Variants in CNST observed in about 807,000 individuals in gnomAD.
CNST encodes consortin.
A neutral mutation model predicts 72.4 loss-of-function variants in CNST; 39 were observed. The observed-to-expected ratio is 0.54, with a 90% CI of 0.42 to 0.70. The LOEUF (loss-of-function observed/expected upper bound fraction) is 0.70, where lower values mean the gene tolerates loss of function less well. CNST is among the 30% of genes least tolerant of loss of function. The probability of loss-of-function intolerance (pLI) is 0.00; values close to 1 mark genes in which losing one functional copy is unlikely to be tolerated. For missense variants in CNST, 871 were observed against 868.5 expected (o/e 1.00, Z -0.04); for synonymous variants, 332 against 320.1 (o/e 1.04, Z -0.40).
At chr1:246,656,760 T>C (rs982803650) in intron 9 of CNST, among the ~76,000 whole-genome samples, 1 of 152,058 alleles carries the variant, frequency 6.6e-6, no homozygotes, top group African/African-American at 2.4e-5. Flanking sequence ...AAACCCTGTC[T>C]CCACAAAAGA....
At chr1:246,614,598 A>G (rs1663561540) in intron 2 of CNST, among the ~76,000 whole-genome samples, 1 of 150,702 alleles carries the variant, frequency 6.6e-6, no homozygotes, top group South Asian at 2.1e-4. Flanking sequence ...CAGCCTCCTG[A>G]GTAGCTGGGA....
intron 10 of CNST, 142 bp from the exon 11 acceptor site, chr1:246,665,558 A>C: frequency 4.5e-6 from 3 of 663,552 alleles, no homozygotes; most frequent in Non-Finnish European, 7.9e-6. Context: ...AGTCATTAGC[A>C]GCATGAGTTT....
intron 2 of CNST, among the ~76,000 whole-genome samples, chr1:246,609,433 T>C (rs1040682575): frequency 6.6e-6 from 1 of 152,086 alleles, no homozygotes; most frequent in Admixed American, 6.5e-5. Flanking sequence ...AAAAATTATA[T>C]GGGCATGGTG....
chr1:246,634,463 T>C lies in CNST; in HGVS notation c.704-10T>C. 1 of 1,535,926 alleles carries C rather than the reference T, an allele frequency of 6.5e-7. No individual in the cohort carries two copies. Among genetic ancestry groups the C allele is most frequent in the South Asian group, 1.2e-5 (1 of 82,170 alleles). ...TAAGAGCCAGTGACTAACAAATACT[T>C]TAAATTTAGAAACAAAATGGAAAAC... On this transcript the variant is annotated splice_polypyrimidine_tract_variant and intron_variant, in intron 5 of 10. Transcript: ENST00000366513.
At chr1:246,574,454 G>T (rs1192957642) in intron 1 of CNST, among the ~76,000 whole-genome samples, 1 of 152,134 alleles carries the variant, frequency 6.6e-6, no homozygotes, top group Non-Finnish European at 1.5e-5. Context: ...GAGACAGCTT[G>T]TCGCACTATC....
chr1:246,573,802 G>A (rs756908649), intron 1 of CNST, among the ~76,000 whole-genome samples: 6 of 152,182 alleles, frequency 3.9e-5, no homozygotes, highest in Non-Finnish European at 8.8e-5. Flanking sequence ...GTAAAACCAC[G>A]TACTTTGTAT....
chr1:246,609,351 G>A (rs773673819), intron 2 of CNST, among the ~76,000 whole-genome samples: 1 of 152,164 alleles, frequency 6.6e-6, no homozygotes, highest in African/African-American at 2.4e-5. Flanking sequence ...TGAGGCAGGC[G>A]GATCACCTGA....
intron 8 of CNST, 77 bp from the exon 9 acceptor site, chr1:246,647,062 T>C (rs1666127084): frequency 7.8e-6 from 10 of 1,284,392 alleles, no homozygotes; most frequent in Non-Finnish European, 1.1e-5. Context: ...ATTACACATA[T>C]TCATATGTCC....
intron 3 of CNST, among the ~76,000 whole-genome samples, chr1:246,627,981 G>T (rs182433122): frequency 1.3e-4 from 20 of 150,012 alleles, no homozygotes; most frequent in African/African-American, 4.9e-4. Context: ...TCCCACAATA[G>T]GCTGTCTGCA....
intron 1 of CNST, among the ~76,000 whole-genome samples, chr1:246,572,908 AT>A (rs200079803): frequency 4.0e-5 from 6 of 151,398 alleles, no homozygotes; most frequent in African/African-American, 7.3e-5. Flanking sequence ...AACATTTTAG[AT>A]TTTTTTTTCC....
At chr1:246,567,323 A>T (rs1659771983) in intron 1 of CNST, among the ~76,000 whole-genome samples, 1 of 151,600 alleles carries the variant, frequency 6.6e-6, no homozygotes, top group Non-Finnish European at 1.5e-5. Flanking sequence ...AAGACTAAAA[A>T]TAGGATGCTG....
chr1:246,566,962 T>C (rs946729974), intron 1 of CNST, among the ~76,000 whole-genome samples: 7 of 152,176 alleles, frequency 4.6e-5, no homozygotes, highest in Non-Finnish European at 8.8e-5. Context: ...GCCTGCGGCT[T>C]CCACGGTCTC....
chr1:246,568,133 TAA>T (rs990039934), intron 1 of CNST, among the ~76,000 whole-genome samples: 1 of 150,004 alleles, frequency 6.7e-6, no homozygotes, highest in East Asian at 1.9e-4. Flanking sequence ...TCTGTCTCCT[TAA>T]AAAAAAAGAA....
At chr1:246,661,501 AT>A (rs1476231941) in intron 10 of CNST, among the ~76,000 whole-genome samples, 6 of 152,146 alleles carry the variant, frequency 3.9e-5, no homozygotes, top group Non-Finnish European at 5.9e-5. Context: ...TTTCCTCTTC[AT>A]TGATAGAAAA....
intron 2 of CNST, among the ~76,000 whole-genome samples, chr1:246,601,271 C>T (rs1039901462): frequency 2.6e-5 from 4 of 152,024 alleles, no homozygotes; most frequent in African/African-American, 9.7e-5. Flanking sequence ...CGCCACTGCA[C>T]TCCATCCTGT....
At chr1:246,585,708 C>CT (rs1558533795) in intron 1 of CNST, among the ~76,000 whole-genome samples, 1 of 100,848 alleles carries the variant, frequency 9.9e-6, no homozygotes, top group Non-Finnish European at 2.1e-5. Context: ...CACACACACA[C>CT]ACACTATATA....
intron 1 of CNST, among the ~76,000 whole-genome samples, chr1:246,589,073 G>A (rs1219497631): frequency 6.6e-6 from 1 of 152,088 alleles, no homozygotes; most frequent in African/African-American, 2.4e-5. Flanking sequence ...AGTTGAAGAT[G>A]TCAGCTAAGA....
intron 3 of CNST, among the ~76,000 whole-genome samples, chr1:246,626,260 A>G (rs1456685573): frequency 1.3e-5 from 2 of 151,840 alleles, no homozygotes; most frequent in Admixed American, 6.6e-5. Flanking sequence ...CATGTTGCCC[A>G]GGCTGGTCTC....
intron 1 of CNST, among the ~76,000 whole-genome samples, chr1:246,583,619 T>C (rs1660940793): frequency 6.6e-6 from 1 of 152,234 alleles, no homozygotes; most frequent in African/African-American, 2.4e-5. Context: ...TCAAAATTGA[T>C]TACCCTGAAG....
Sources: gnomAD v4.1 joint callset for allele counts (sites outside exome capture counted in the v4.1 genomes callset) on GRCh38, gnomAD v4.1.1 for gene constraint, MANE v1.5 for transcripts, NCBI Gene and HGNC (gene_info 2026-07-23, HGNC 2026-07-21) for gene names.